The following SEC14L5 variants were observed in gnomAD, a reference collection of about 807,000 sequenced individuals.
The protein encoded by SEC14L5 is SEC14 like lipid binding 5, also known as SEC14-like protein 5.
SEC14L5 carries 96 observed loss-of-function variants against 84.6 expected under a neutral mutation model. The ratio of observed to expected loss-of-function variants is 1.13; its 90% CI spans 0.96 to 1.34. The LOEUF (loss-of-function observed/expected upper bound fraction) is 1.34. Among genes scored for constraint, SEC14L5 ranks in the 40% most tolerant of loss-of-function variants. The pLI, the probability that SEC14L5 is intolerant of heterozygous loss-of-function variation, is 0.00. For synonymous variants in SEC14L5, 546 were observed against 383.4 expected, an observed-to-expected ratio of 1.42 and a Z score of -4.95; for missense variants, 1,224 against 942.5, an observed-to-expected ratio of 1.30 and a Z score of -3.91.
intron 15 of SEC14L5, 140 bp from the exon 16 acceptor site, chr16:5,014,719 C>T (rs1187516029): frequency 9.5e-6 from 6 of 629,632 alleles, no homozygotes; most frequent in South Asian, 1.9e-5. Context: ...CTCTTCATGG[C>T]GTCACTTGCT....
At chr16:5,001,045 T>A (rs1371097981) in intron 10 of SEC14L5, 120 bp downstream of exon 10, 3 of 776,658 alleles carry the variant, frequency 3.9e-6, no homozygotes, top group Non-Finnish European at 6.5e-6. Flanking sequence ...CTCCCCCAGT[T>A]TCTACAGTGG....
chr16:4,988,040 T>A, intron 3 of SEC14L5, 109 bp from the exon 4 acceptor site: 1 of 1,221,974 alleles, frequency 8.2e-7, no homozygotes, highest in Non-Finnish European at 1.2e-6. Context: ...GCAAGGGACC[T>A]GGGACTCAGG....
intron 12 of SEC14L5, among the ~76,000 whole-genome samples, chr16:5,006,888 C>T (rs770158459): frequency 3.3e-5 from 5 of 151,986 alleles, no homozygotes; most frequent in Admixed American, 3.3e-4. Flanking sequence ...CTGCCAAGGC[C>T]TGGCCATCTA....
At chr16:5,008,392 A>T in intron 13 of SEC14L5, 29 bp from the exon 14 acceptor site, 1 of 1,533,624 alleles carries the variant, frequency 6.5e-7, no homozygotes, top group Non-Finnish European at 9.0e-7. Flanking sequence ...CTCGGCCGTG[A>T]CTCTCAGACC....
chr16:4,999,264 G>A (rs560022095), intron 8 of SEC14L5, among the ~76,000 whole-genome samples: 1 of 152,318 alleles, frequency 6.6e-6, no homozygotes, highest in East Asian at 1.9e-4. Context: ...GCTGCTGGCC[G>A]TGAGTTCAAT....
chr16:4,994,349 A>G (rs899070797), intron 6 of SEC14L5, among the ~76,000 whole-genome samples: 10 of 152,040 alleles, frequency 6.6e-5, no homozygotes, highest in African/African-American at 2.4e-4. Flanking sequence ...TTCATACAAC[A>G]TGTATTATTC....
intron 2 of SEC14L5, among the ~76,000 whole-genome samples, chr16:4,968,700 C>T (rs1210006736): frequency 6.6e-6 from 1 of 152,230 alleles, no homozygotes; most frequent in Non-Finnish European, 1.5e-5. Flanking sequence ...TTTGTCCAGC[C>T]ACTGCCCAGG....
intron 14 of SEC14L5, among the ~76,000 whole-genome samples, chr16:5,010,214 A>G (rs1288228554): frequency 7.0e-6 from 1 of 143,794 alleles, no homozygotes; most frequent in Non-Finnish European, 1.5e-5. Context: ...AAAAAAAAAA[A>G]AAAGCGAGGT....
chr16:4,987,499 G>GAGA (rs1555529514), intron 2 of SEC14L5, 58 bp from the exon 3 acceptor site: 1 of 1,298,420 alleles, frequency 7.7e-7, no homozygotes, highest in Non-Finnish European at 1.0e-6. Context: ...GGTCGCGCTG[G>GAGA]GGGGGGGGGT....
In SEC14L5 at chr16:4,988,235, G is replaced by A. The variant is rs1404577756; in HGVS notation, c.300G>A (p.Glu100=). 6.2e-7 allele frequency: 1 copy of A among 1,613,702 alleles called. No homozygotes were observed. The highest frequency in any genetic ancestry group is 1.3e-5 in the African/African-American group (1 of 74,894). ...ERTLLIEAHN[E]TFANRVVVNE... ...CGCTCCTCATCGAAGCGCACAATGA[G>A]ACCTTCGCCAACCGCGTGGTGGTGA... The change falls in exon 4 of 16, where the codon GAG becomes GAA. Residue 100 remains glutamate, a synonymous_variant. Transcript: ENST00000251170.
At chr16:5,000,545 G>A in intron 8 of SEC14L5, 110 bp from the exon 9 acceptor site, 1 of 785,320 alleles carries the variant, frequency 1.3e-6, no homozygotes. Flanking sequence ...TCGGGCCTTG[G>A]TGGGTTGCAG....
At position 4,999,815 on chromosome 16, in the gene SEC14L5, C is replaced by T. The variant is rs148820102; in HGVS notation, c.971-840C>T. On this transcript the variant is annotated intron_variant, in intron 8 of 15. Transcript: ENST00000251170. ...CGGTAGTCCCAGCTACCTGGGAGGC[C>T]GAGGTGTGAGAATCGCTTGAACCTG... Among the ~76,000 whole-genome samples the T allele has an allele frequency of 6.1e-3, 918 of 149,412 alleles. 6 individuals are homozygous for T. The highest frequency in any genetic ancestry group is 0.021 in the African/African-American group (869 of 40,460).
At chr16:4,973,526 G>A (rs1955303994) in intron 2 of SEC14L5, among the ~76,000 whole-genome samples, 1 of 152,230 alleles carries the variant, frequency 6.6e-6, no homozygotes, top group African/African-American at 2.4e-5. Flanking sequence ...CCTACGAAAA[G>A]TTGGGGGGTC....
chr16:5,011,383 G>T (rs1955801702), intron 15 of SEC14L5, 110 bp downstream of exon 15: 1 of 1,136,644 alleles, frequency 8.8e-7, no homozygotes, highest in Non-Finnish European at 1.3e-6. Flanking sequence ...CCCGGGGTGG[G>T]ACCCCAGCAT....
intron 2 of SEC14L5, among the ~76,000 whole-genome samples, chr16:4,980,109 A>G (rs1042995605): frequency 2.6e-5 from 4 of 152,210 alleles, no homozygotes; most frequent in African/African-American, 9.6e-5. Context: ...CTGAGCCTCA[A>G]CTTGCTCATC....
intron 6 of SEC14L5, among the ~76,000 whole-genome samples, chr16:4,995,259 C>T (rs1011004640): frequency 3.9e-5 from 6 of 152,232 alleles, no homozygotes. Context: ...CACGAGGCCT[C>T]TGCACGCCAG....
chr16:4,989,327 G>T (rs1193496956), intron 4 of SEC14L5, among the ~76,000 whole-genome samples: 1 of 136,452 alleles, frequency 7.3e-6, no homozygotes, highest in African/African-American at 2.7e-5. Context: ...TGTTTGTTTT[G>T]TTTTTTTTTT....
intron 2 of SEC14L5, among the ~76,000 whole-genome samples, chr16:4,973,062 T>C (rs1379182915): frequency 6.6e-6 from 1 of 152,160 alleles, no homozygotes; most frequent in Non-Finnish European, 1.5e-5. Context: ...AGTTGTGATG[T>C]GTGAAGGAAT....
chr16:5,015,144 T>C lies in SEC14L5; in HGVS notation c.*174T>C. 1.7e-6 allele frequency: 1 copy of C among 600,402 alleles called. No homozygotes were observed. The highest frequency in any genetic ancestry group is 2.0e-5 in the South Asian group (1 of 49,474). 37.2% of individuals were successfully genotyped at this position (600,402 alleles called of 1,614,324 possible). A position where few individuals can be genotyped will look rare whatever the true frequency, so the allele number is the denominator to read the frequency against. ...CAAGGATCCAGAACTGGCCTGTGGGTGGTGTCAGGGCTCTTGAAATTGCAA... is the reference window on the plus strand; with the variant it reads ...CAAGGATCCAGAACTGGCCTGTGGGCGGTGTCAGGGCTCTTGAAATTGCAA... On this transcript the variant is annotated 3_prime_UTR_variant, in exon 16 of 16. Transcript: ENST00000251170.
Sources: gnomAD v4.1 joint callset for allele counts (sites outside exome capture counted in the v4.1 genomes callset) on GRCh38, gnomAD v4.1.1 for gene constraint, MANE v1.5 for transcripts, NCBI Gene and HGNC (gene_info 2026-07-23, HGNC 2026-07-21) for gene names.